The following PCDH15 variants were observed in gnomAD, a reference collection of about 807,000 sequenced individuals.
PCDH15 encodes the protein protocadherin-15.
PCDH15 carries 129 observed loss-of-function variants against 178.5 expected under a neutral mutation model. The ratio of observed to expected loss-of-function variants is 0.72; its 90% confidence interval spans 0.63 to 0.84. PCDH15 has a LOEUF of 0.84. Among genes scored for constraint, PCDH15 ranks in the 40% least tolerant of loss-of-function variants. The pLI, the probability that PCDH15 is intolerant of heterozygous loss-of-function variation, is 0.00. For synonymous variants in PCDH15, 800 were observed against 732.0 expected (o/e 1.09, Z -1.50); for missense variants, 2,230 against 2,099.9 (o/e 1.06, Z -1.21).
At chr10:54,092,297 T>C (rs1374017834) in intron 15 of PCDH15, among the ~76,000 whole-genome samples, 1 of 152,152 alleles carries the variant, frequency 6.6e-6, no homozygotes, top group African/African-American at 2.4e-5. Context: ...TCATGGATTA[T>C]GGTAGTAACT....
chr10:55,505,769 A>T (rs1376255736), intron 2 of PCDH15, among the ~76,000 whole-genome samples: 4 of 151,498 alleles, frequency 2.6e-5, no homozygotes, highest in African/African-American at 9.7e-5. Context: ...CTAAAATGAC[A>T]GTTATAAAAT....
intron 1 of PCDH15, among the ~76,000 whole-genome samples, chr10:54,673,693 C>A (rs2094722839): frequency 6.6e-6 from 1 of 152,164 alleles, no homozygotes; most frequent in African/African-American, 2.4e-5. Context: ...CCTCCTTGGC[C>A]TCCCAAAGTG....
chr10:54,651,899 T>C (rs1414686), intron 2 of PCDH15, among the ~76,000 whole-genome samples: 9,963 of 152,046 alleles, frequency 0.066, 395 homozygotes, highest in South Asian at 0.15. Flanking sequence ...AAATGCAATG[T>C]GACAAAGGTG....
intron 14 of PCDH15, among the ~76,000 whole-genome samples, chr10:54,149,435 G>A (rs2044296321): frequency 6.6e-6 from 1 of 152,050 alleles, no homozygotes; most frequent in Admixed American, 6.6e-5. Context: ...TCTGAGAAAA[G>A]ATCCATCCAG....
intron 25 of PCDH15, 126 bp from the exon 26 acceptor site, chr10:53,903,496 T>G (rs2082466812): frequency 2.7e-6 from 3 of 1,106,458 alleles, no homozygotes; most frequent in Non-Finnish European, 4.0e-6. Context: ...CATTTCTAGA[T>G]GCCATGCCTA....
rs1010410097 is a variant in PCDH15, at chr10:54,811,749, G to T, written c.-29+85701C>A. On this transcript the variant is annotated intron_variant, in intron 3 of 5. Transcript: ENST00000458638. ...CTCCCAAACTGCTGGGATTACAGGCGTGAGCCACCGCACCTGGCCAGTTAT... is the reference window on the plus strand; with the variant it reads ...CTCCCAAACTGCTGGGATTACAGGCTTGAGCCACCGCACCTGGCCAGTTAT... 5.9e-5 allele frequency among the ~76,000 whole-genome samples: 9 copies of T among 152,262 alleles called. 1 individual carries two copies. Among genetic ancestry groups the T allele is most frequent in the African/African-American group, 1.2e-4 (5 of 41,550 alleles).
At chr10:54,511,871 T>A (rs2081703516) in intron 3 of PCDH15, among the ~76,000 whole-genome samples, 1 of 152,122 alleles carries the variant, frequency 6.6e-6, no homozygotes, top group Non-Finnish European at 1.5e-5. Flanking sequence ...ATGTGAGTGC[T>A]TATTTTTTTT....
intron 2 of PCDH15, among the ~76,000 whole-genome samples, chr10:54,645,130 A>C (rs2094099078): frequency 6.6e-6 from 1 of 152,222 alleles, no homozygotes; most frequent in South Asian, 2.1e-4. Flanking sequence ...CTTAGATACA[A>C]AATTTTCAGT....
At chr10:54,294,019 G>T (rs550985863) in intron 8 of PCDH15, among the ~76,000 whole-genome samples, 1 of 152,090 alleles carries the variant, frequency 6.6e-6, no homozygotes, top group African/African-American at 2.4e-5. Flanking sequence ...ACATGCACAC[G>T]TATGTTTATT....
At position 54,853,287 on chromosome 10, in the gene PCDH15, G is replaced by GTATA. The variant is rs372294767; in HGVS notation, c.-29+44162_-29+44163insTATA. Among the ~76,000 whole-genome samples, 132 of 56,540 alleles carry GTATA rather than the reference G, an allele frequency of 2.3e-3. 1 individual carries two copies. Among genetic ancestry groups the GTATA allele is most frequent in the South Asian group, 5.1e-3 (7 of 1,384 alleles). 37.1% of individuals were successfully genotyped at this position (56,540 alleles called of 152,430 possible). A position where few individuals can be genotyped will look rare whatever the true frequency, so the allele number is the denominator to read the frequency against. On this transcript the variant is annotated intron_variant, in intron 3 of 5. Coordinates refer to the PCDH15 transcript ENST00000458638. ...AATATATATATATGTGTATGTATGTGTGTATATATATATATATATATATAT... is the reference window on the plus strand; with the variant it reads ...AATATATATATATGTGTATGTATGTGTATATGTATATATATATATATATATATAT...
At chr10:55,352,169 T>A (rs931096567) in intron 2 of PCDH15, among the ~76,000 whole-genome samples, 19 of 152,188 alleles carry the variant, frequency 1.2e-4, no homozygotes, top group African/African-American at 4.1e-4. Context: ...ATGGAATACA[T>A]TTTTGAATAA....
In PCDH15 at chr10:54,815,144, G is replaced by GTT. The variant is rs200800809; in HGVS notation, c.-29+82304_-29+82305dup. Reference sequence around the variant, plus strand: ...GGATTTTTGTTCAATAAATATGTTGGTTTTTTTTTTTATATTTGTGACAAG... The same window carrying GTT: ...GGATTTTTGTTCAATAAATATGTTGGTTTTTTTTTTTTTATATTTGTGACAAG... On this transcript the variant is annotated intron_variant, in intron 3 of 5. Transcript: ENST00000458638. Among the ~76,000 whole-genome samples, 252 of 146,648 alleles carry GTT rather than the reference G, an allele frequency of 1.7e-3. 2 individuals carry two copies. Among genetic ancestry groups the GTT allele is most frequent in the African/African-American group, 5.8e-3 (233 of 40,164 alleles).
intron 2 of PCDH15, among the ~76,000 whole-genome samples, chr10:55,116,626 C>T (rs2132061526): frequency 6.6e-6 from 1 of 152,226 alleles, no homozygotes; most frequent in East Asian, 1.9e-4. Flanking sequence ...GATTCTGCTA[C>T]TTAGGAAATC....
chr10:54,277,959 T>G (rs1182935491), intron 8 of PCDH15, among the ~76,000 whole-genome samples: 1 of 151,578 alleles, frequency 6.6e-6, no homozygotes, highest in Non-Finnish European at 1.5e-5. Context: ...TTTGAGTTGC[T>G]TATTAGCACC....
chr10:54,567,842 G>C (rs1458983351), intron 2 of PCDH15, among the ~76,000 whole-genome samples: 1 of 152,176 alleles, frequency 6.6e-6, no homozygotes, highest in Non-Finnish European at 1.5e-5. Flanking sequence ...AGAAGTCACA[G>C]AGTTACATCA....
At chr10:54,420,653 T>C (rs978268768) in intron 3 of PCDH15, among the ~76,000 whole-genome samples, 2 of 151,838 alleles carry the variant, frequency 1.3e-5, no homozygotes, top group Non-Finnish European at 2.9e-5. Context: ...GAATAGAACA[T>C]AAAGTAGCAG....
intron 1 of PCDH15, among the ~76,000 whole-genome samples, chr10:55,199,849 G>A (rs1055014871): frequency 6.6e-6 from 1 of 152,100 alleles, no homozygotes. Context: ...AAGCCTTAGT[G>A]GCTTCCACAT....
At chr10:55,268,634 CA>C (rs1842361365) in intron 1 of PCDH15, among the ~76,000 whole-genome samples, 1 of 151,990 alleles carries the variant, frequency 6.6e-6, no homozygotes, top group African/African-American at 2.4e-5. Flanking sequence ...TTATGTAAAA[CA>C]AACATAAAAC....
In PCDH15 at chr10:55,097,685, CAGAT is replaced by C. The variant is rs201824567; in HGVS notation, c.-80+68887_-80+68890del. On this transcript the variant is annotated intron_variant, in intron 2 of 5. Transcript: ENST00000458638. Reference sequence around the variant, plus strand: ...TTTTCTGGAAGAGGTAAGAAGTCACCAGATAGATAGATAGATAGAGAGACAGATA... The same window carrying C: ...TTTTCTGGAAGAGGTAAGAAGTCACCAGATAGATAGATAGAGAGACAGATA... Among the ~76,000 whole-genome samples the C allele has an allele frequency of 7.5e-3, 1,130 of 151,648 alleles. 45 individuals are homozygous for C. Among genetic ancestry groups the C allele is most frequent in the Admixed American group, 0.066 (1,003 of 15,216 alleles).
Sources: gnomAD v4.1 joint callset for allele counts (sites outside exome capture counted in the v4.1 genomes callset) on GRCh38, gnomAD v4.1.1 for gene constraint, MANE v1.5 for transcripts, NCBI Gene and HGNC (gene_info 2026-07-23, HGNC 2026-07-21) for gene names.